The following NEK10 variants were observed in gnomAD, a reference collection of about 807,000 sequenced individuals.
The protein encoded by NEK10 is NIMA related kinase 10.
Under a neutral mutation model 159.8 loss-of-function variants are expected in NEK10, and 122 were observed. That is an observed-to-expected ratio of 0.76 (90% CI 0.66 to 0.89). NEK10 has a LOEUF of 0.89. Ranked by LOEUF, NEK10 falls within the 40% of genes least tolerant of loss-of-function variation. The probability of loss-of-function intolerance (pLI) is 0.00; values close to 1 mark genes in which losing one functional copy is unlikely to be tolerated. For synonymous variants in NEK10, 466 were observed against 457.1 expected (o/e 1.02, Z -0.25); for missense variants, 1,342 against 1,323.1 (o/e 1.01, Z -0.22).
chr3:27,170,034 C>T (rs1263826460), intron 29 of NEK10, among the ~76,000 whole-genome samples: 1 of 152,198 alleles, frequency 6.6e-6, no homozygotes, highest in Non-Finnish European at 1.5e-5. Context: ...TGAACTGGCT[C>T]CTATGCCTTC....
chr3:27,186,208 T>C (rs1041214658), intron 26 of NEK10, among the ~76,000 whole-genome samples: 1 of 152,200 alleles, frequency 6.6e-6, no homozygotes, highest in Admixed American at 6.5e-5. Flanking sequence ...GGTGTGGAAA[T>C]TATGTTGCGA....
chr3:27,327,048 C>T (rs1337979518), intron 5 of NEK10, among the ~76,000 whole-genome samples: 1 of 152,178 alleles, frequency 6.6e-6, no homozygotes, highest in African/African-American at 2.4e-5. Flanking sequence ...ATTGTAAAGA[C>T]AGGCACCTTT....
In NEK10 at chr3:27,290,622, C is replaced by G; in HGVS notation, c.1738G>C (p.Glu580Gln). 6.3e-7 allele frequency: 1 copy of G among 1,586,192 alleles called. No homozygotes were observed. The highest frequency in any genetic ancestry group is 8.6e-7 in the Non-Finnish European group (1 of 1,168,584). The change falls in exon 19 of 36, where the codon GAG (glutamate) becomes CAG (glutamine). Residue 580 changes from glutamate (E) to glutamine (Q), a missense_variant. Glu to Gln is a conservative substitution (Grantham distance 29). Coordinates refer to ENST00000691995, the MANE Select transcript of NEK10 (RefSeq NM_001394966.1). ...GAAACAAGGAAAACATTTACCTGCT[C>G]TTTAATTATTGTTAATTCAGAAACA... ...NIVSELTIIK[E>Q]QLYHPNIVRY...
At chr3:27,181,815 G>T (rs550502699) in intron 26 of NEK10, among the ~76,000 whole-genome samples, 164 of 152,260 alleles carry the variant, frequency 1.1e-3, no homozygotes, top group African/African-American at 3.8e-3. Context: ...TCCCAGGAAA[G>T]AATAAATGCT....
intron 33 of NEK10, 132 bp from the exon 34 acceptor site, chr3:27,116,259 T>G (rs1355109449): frequency 2.6e-6 from 2 of 767,324 alleles, no homozygotes; most frequent in Non-Finnish European, 4.3e-6. Context: ...AACAAGCAAA[T>G]TCCAAAGCAT....
chr3:27,305,396 T>C (rs1575666259), intron 11 of NEK10, among the ~76,000 whole-genome samples: 1 of 152,010 alleles, frequency 6.6e-6, no homozygotes, highest in African/African-American at 2.4e-5. Flanking sequence ...TGGTGGTGTG[T>C]GCCTGTAATC....
chr3:27,184,214 G>A (rs1392191897), intron 26 of NEK10, among the ~76,000 whole-genome samples: 3 of 152,118 alleles, frequency 2.0e-5, no homozygotes, highest in Middle Eastern at 3.2e-3. Flanking sequence ...AACAAATTAC[G>A]GTGTAGTCAT....
chr3:27,237,374 T>C (rs1382793031), intron 23 of NEK10, among the ~76,000 whole-genome samples: 2 of 152,168 alleles, frequency 1.3e-5, no homozygotes, highest in African/African-American at 2.4e-5. Flanking sequence ...AAGAGTATTA[T>C]TTGGGAACTG....
chr3:27,252,198 G>A (rs966532312), intron 23 of NEK10: 1 of 504,094 alleles, frequency 2.0e-6, no homozygotes, highest in African/African-American at 1.9e-5. Flanking sequence ...GCCAATTCAA[G>A]TACAACATAA....
chr3:27,366,943 G>A (rs938789193), intron 1 of NEK10, among the ~76,000 whole-genome samples: 27 of 151,514 alleles, frequency 1.8e-4, no homozygotes, highest in African/African-American at 4.6e-4. Context: ...CCCAAGTAGC[G>A]GGGATTACAG....
At chr3:27,270,547 T>C (rs1413247477) in intron 22 of NEK10, among the ~76,000 whole-genome samples, 1 of 152,118 alleles carries the variant, frequency 6.6e-6, no homozygotes, top group Admixed American at 6.6e-5. Context: ...CTGGGGAATG[T>C]GTTACCCAGC....
At position 27,167,597 on chromosome 3, in the gene NEK10, T is replaced by A. The variant is rs527457921; in HGVS notation, c.2831+4222A>T. Among the ~76,000 whole-genome samples, 27 of 152,330 alleles carry A rather than the reference T, an allele frequency of 1.8e-4. No homozygotes were observed. The East Asian group carries it at 4.8e-3, about 27-fold the overall frequency. ...TGGATTAGAATCCTCAATGTGTATA[T>A]ACTAGGTCAGCCTATGAAACTCGCA... On this transcript the variant is annotated intron_variant, in intron 29 of 35. Transcript: ENST00000691995.
chr3:27,340,460 C>A (rs1184738272), intron 5 of NEK10, among the ~76,000 whole-genome samples: 6 of 152,004 alleles, frequency 3.9e-5, no homozygotes, highest in African/African-American at 1.4e-4. Flanking sequence ...ACCACCATGG[C>A]ACATGTATAC....
At chr3:27,275,463 T>TA (rs1370512956) in intron 22 of NEK10, among the ~76,000 whole-genome samples, 1 of 152,200 alleles carries the variant, frequency 6.6e-6, no homozygotes, top group Non-Finnish European at 1.5e-5. Flanking sequence ...TGATCCTTCT[T>TA]ACAACAGTTG....
At position 27,353,098 on chromosome 3, in the gene NEK10, C is replaced by T. The variant is rs551121716; in HGVS notation, c.-37-179G>A. On this transcript the variant is annotated intron_variant, in intron 1 of 35. Coordinates refer to ENST00000691995, the MANE Select transcript of NEK10 (RefSeq NM_001394966.1). ...CACTTACTATTTATCATTCAAAGGA[C>T]ATTGGGAACATTTAGGGCATGCTTT... Among the ~76,000 whole-genome samples, 6 of 152,234 alleles carry T rather than the reference C, an allele frequency of 3.9e-5. No individual in the cohort carries two copies. The South Asian group carries it at 6.2e-4, about 16-fold the overall frequency.
At chr3:27,318,163 T>C (rs2149636207) in intron 6 of NEK10, among the ~76,000 whole-genome samples, 1 of 152,308 alleles carries the variant, frequency 6.6e-6, no homozygotes, top group South Asian at 2.1e-4. Flanking sequence ...TACCTATCTT[T>C]CTAGGTTTGG....
intron 2 of NEK10, 49 bp from the exon 3 acceptor site, chr3:27,352,574 A>G (rs1253192869): frequency 7.2e-7 from 1 of 1,386,452 alleles, no homozygotes; most frequent in Admixed American, 1.7e-5. Flanking sequence ...CTCCAGGTGA[A>G]CAAGATCGTG....
chr3:27,238,746 C>CATGTGTGT (rs201471285), intron 23 of NEK10, among the ~76,000 whole-genome samples: 3 of 138,138 alleles, frequency 2.2e-5, no homozygotes, highest in East Asian at 4.4e-4. Flanking sequence ...CCTCCCCTTT[C>CATGTGTGT]GTGTGTGTGT....
At chr3:27,265,476 G>C (rs751987349) in intron 22 of NEK10, 1 of 152,172 alleles carries the variant, frequency 6.6e-6, no homozygotes, top group Non-Finnish European at 1.5e-5. Flanking sequence ...CATTCTAATA[G>C]GTACATAGTG....
Sources: gnomAD v4.1 joint callset for allele counts (sites outside exome capture counted in the v4.1 genomes callset) on GRCh38, gnomAD v4.1.1 for gene constraint, MANE v1.5 for transcripts, NCBI Gene and HGNC (gene_info 2026-07-23, HGNC 2026-07-21) for gene names.